CTNND2: variants seen among roughly 807,000 people sequenced by gnomAD.
The protein encoded by CTNND2 is catenin delta 2.
A neutral mutation model predicts 144.4 loss-of-function variants in CTNND2; 22 were observed. That is an observed-to-expected ratio of 0.15 (90% confidence interval 0.11 to 0.22). The LOEUF (loss-of-function observed/expected upper bound fraction) is 0.22, where lower values mean the gene tolerates loss of function less well. Ranked by LOEUF, CTNND2 falls within the 10% of genes least tolerant of loss-of-function variation. The pLI, the probability that CTNND2 is intolerant of heterozygous loss-of-function variation, is 1.00. For synonymous variants in CTNND2, 751 were observed against 695.6 expected (o/e 1.08, Z -1.25); for missense variants, 1,353 against 1,618.8 (o/e 0.84, Z 2.82).
intron 3 of CTNND2, among the ~76,000 whole-genome samples, chr5:11,529,918 A>G (rs1773587726): frequency 6.6e-6 from 1 of 151,936 alleles, no homozygotes. Flanking sequence ...CATAATTCCT[A>G]TATTATTTAG....
chr5:11,827,626 T>A (rs1394829420), intron 1 of CTNND2, among the ~76,000 whole-genome samples: 2 of 151,960 alleles, frequency 1.3e-5, no homozygotes, highest in Non-Finnish European at 2.9e-5. Flanking sequence ...ACTAAAGACA[T>A]TAAAAGGAAA....
At chr5:10,987,561 T>C (rs1305212625) in intron 20 of CTNND2, among the ~76,000 whole-genome samples, 1 of 152,146 alleles carries the variant, frequency 6.6e-6, no homozygotes, top group East Asian at 1.9e-4. Context: ...AGAGGTTGTA[T>C]CATGGCAAGA....
At chr5:11,703,091 G>C (rs963672751) in intron 2 of CTNND2, among the ~76,000 whole-genome samples, 1 of 152,162 alleles carries the variant, frequency 6.6e-6, no homozygotes, top group African/African-American at 2.4e-5. Flanking sequence ...TGGGCTGGCT[G>C]GGGTTAAGAG....
intron 1 of CTNND2, among the ~76,000 whole-genome samples, chr5:11,831,540 C>T (rs539787025): frequency 1.4e-4 from 22 of 151,866 alleles, no homozygotes; most frequent in South Asian, 1.0e-3. Flanking sequence ...TGCTGGCGGG[C>T]GCCTGTAGTC....
At chr5:11,461,938 G>A (rs748032579) in intron 3 of CTNND2, among the ~76,000 whole-genome samples, 1 of 152,048 alleles carries the variant, frequency 6.6e-6, no homozygotes, top group South Asian at 2.1e-4. Flanking sequence ...GATTTTAGGT[G>A]GTACTGGATA....
chr5:11,515,392 T>G (rs1365368100), intron 3 of CTNND2, among the ~76,000 whole-genome samples: 2 of 152,218 alleles, frequency 1.3e-5, no homozygotes, highest in Non-Finnish European at 2.9e-5. Context: ...GAATCTTAGA[T>G]GGAGATTCCG....
Position 11,851,526 on chromosome 5 carries a change from G to A in CTNND2, c.37+52291C>T, listed in dbSNP as rs529442362. Among the ~76,000 whole-genome samples the A allele has an allele frequency of 3.3e-5, 5 of 152,306 alleles. No homozygotes were observed. In the South Asian group the frequency reaches 1.0e-3, roughly 32 times the overall value. On this transcript the variant is annotated intron_variant, in intron 1 of 21. Transcript: ENST00000304623. ...GGTCTCACCCATGTCCAGTCCACAG[G>A]AGCAGCTGGCTTTATGCAGCTTTGT...
At chr5:11,596,231 C>A (rs1779497087) in intron 2 of CTNND2, among the ~76,000 whole-genome samples, 1 of 152,216 alleles carries the variant, frequency 6.6e-6, no homozygotes, top group East Asian at 1.9e-4. Context: ...ACTAAGAATA[C>A]TGCATCCTAA....
At chr5:11,239,176 C>T (rs1327304970) in intron 9 of CTNND2, among the ~76,000 whole-genome samples, 1 of 152,258 alleles carries the variant, frequency 6.6e-6, no homozygotes, top group Non-Finnish European at 1.5e-5. Context: ...AGGAATTGCT[C>T]TATTAGGTGA....
chr5:11,807,930 C>T (rs2126901521), intron 1 of CTNND2, among the ~76,000 whole-genome samples: 2 of 152,212 alleles, frequency 1.3e-5, no homozygotes, highest in Middle Eastern at 6.8e-3. Flanking sequence ...GTGATTCTCA[C>T]CCTCATATTG....
intron 3 of CTNND2, among the ~76,000 whole-genome samples, chr5:11,497,527 G>C (rs61757513): frequency 2.4e-5 from 2 of 81,778 alleles, no homozygotes; most frequent in Middle Eastern, 6.6e-3. Context: ...GGTGGGGGGG[G>C]GCAATATGTG....
chr5:11,327,403 T>C (rs1752637984), intron 9 of CTNND2, among the ~76,000 whole-genome samples: 1 of 152,190 alleles, frequency 6.6e-6, no homozygotes, highest in Non-Finnish European at 1.5e-5. Flanking sequence ...TTGAAACTTT[T>C]GACTTTTTAA....
intron 21 of CTNND2, among the ~76,000 whole-genome samples, chr5:10,979,815 A>G (rs1374536163): frequency 6.6e-6 from 1 of 152,230 alleles, no homozygotes; most frequent in Non-Finnish European, 1.5e-5. Context: ...AAGATTCCCT[A>G]TTTAATAAAT....
chr5:11,742,718 T>C (rs1290727128), intron 1 of CTNND2, among the ~76,000 whole-genome samples: 2 of 152,166 alleles, frequency 1.3e-5, no homozygotes, highest in Non-Finnish European at 2.9e-5. Context: ...TTTAAAAATT[T>C]ACATATTTTA....
chr5:11,847,248 A>G (rs1424632931), intron 1 of CTNND2, among the ~76,000 whole-genome samples: 1 of 149,446 alleles, frequency 6.7e-6, no homozygotes, highest in Admixed American at 6.7e-5. Context: ...TCATCTACAA[A>G]TGAGTGGATA....
chr5:11,484,541 TAAGA>T (rs1156623158), intron 3 of CTNND2, among the ~76,000 whole-genome samples: 1 of 152,206 alleles, frequency 6.6e-6, no homozygotes, highest in Non-Finnish European at 1.5e-5. Context: ...ATTTATGCAC[TAAGA>T]AAGGCAGCAT....
At chr5:11,730,833 T>C (rs746478938) in intron 2 of CTNND2, among the ~76,000 whole-genome samples, 68 of 152,210 alleles carry the variant, frequency 4.5e-4, no homozygotes, top group Non-Finnish European at 9.0e-4. Context: ...CATTTGTTCT[T>C]TCTGCTTTAA....
intron 1 of CTNND2, among the ~76,000 whole-genome samples, chr5:11,884,642 T>C (rs558713869): frequency 3.3e-5 from 5 of 152,268 alleles, no homozygotes; most frequent in African/African-American, 7.2e-5. Context: ...CCAATTTGGA[T>C]GCACTTTATT....
chr5:11,037,386 G>A (rs899971702), intron 16 of CTNND2, among the ~76,000 whole-genome samples: 8 of 152,118 alleles, frequency 5.3e-5, no homozygotes, highest in African/African-American at 7.2e-5. Flanking sequence ...ACAACAGCTC[G>A]ATTAAAGGAC....
Sources: allele counts gnomAD v4.1 joint callset (sites outside exome capture counted in the v4.1 genomes callset), GRCh38; gene constraint gnomAD v4.1.1; transcripts MANE v1.5; gene names NCBI Gene and HGNC (gene_info 2026-07-23, HGNC 2026-07-21).